Variants in TTLL10 observed in about 807,000 individuals in gnomAD.
TTLL10 encodes the protein tubulin tyrosine ligase like 10.
Under a neutral mutation model 69.0 loss-of-function variants are expected in TTLL10, and 61 were observed. The ratio of observed to expected loss-of-function variants is 0.88; its 90% confidence interval spans 0.72 to 1.09. The LOEUF is 1.09. TTLL10 is among the 50% of genes least tolerant of loss of function. The probability of loss-of-function intolerance (pLI) is 0.00; values close to 1 mark genes in which losing one functional copy is unlikely to be tolerated. For synonymous variants in TTLL10, 408 were observed against 393.3 expected (o/e 1.04, Z -0.44); for missense variants, 962 against 945.9 (o/e 1.02, Z -0.22).
intron 7 of TTLL10, 37 bp from the exon 8 acceptor site, chr1:1,180,694 C>G: frequency 1.3e-6 from 2 of 1,583,928 alleles, no homozygotes; most frequent in African/African-American, 1.4e-5. Flanking sequence ...CGAGGTCCTG[C>G]GCTCCCTCCA....
chr1:1,175,206 T>C (rs9442387), intron 3 of TTLL10: 92,497 of 175,500 alleles, frequency 0.53, 29,764 homozygotes, highest in East Asian at 0.88. Flanking sequence ...CATAAGGACA[T>C]AAAGTTAGAA....
chr1:1,179,190 GCCCTC>G lies in TTLL10; in HGVS notation c.-25_-21del. 1.1e-5 allele frequency: 16 copies of G among 1,513,918 alleles called. No homozygotes were observed. The highest frequency in any genetic ancestry group is 1.3e-5 in the Non-Finnish European group (15 of 1,127,428). 93.8% of individuals were successfully genotyped at this position (1,513,918 alleles called of 1,614,324 possible). A position where few individuals can be genotyped will look rare whatever the true frequency, so the allele number is the denominator to read the frequency against. On this transcript the variant is annotated splice_region_variant and 5_prime_UTR_variant, in exon 4 of 16. Coordinates refer to ENST00000379289, the MANE Select transcript of TTLL10 (RefSeq NM_001130045.2). ...GTCAGAGCGGCATCTTCCCTTCAGG[GCCCTC>G]GCCCGGGCACCCCCCGGCCAATGGA...
Position 1,180,599 on chromosome 1 carries a change from A to G in TTLL10, c.623A>G (p.Glu208Gly). Reference sequence around the variant, plus strand: ...CGAGACAGCTACGGCAGCTTCCGGGAAGGTAGCGGGAGCCGGCACCAGAGG... The same window carrying G: ...CGAGACAGCTACGGCAGCTTCCGGGGAGGTAGCGGGAGCCGGCACCAGAGG... The part of the protein sequence containing the change: ...KSRDSYGSFR[E>G]GEQLLYQLPN... Residue 208 changes from glutamate to glycine, a missense_variant and splice_region_variant, in exon 7 of 16, where the codon GAA (glutamate) becomes GGA (glycine). Coordinates refer to ENST00000379289, the MANE Select transcript of TTLL10 (RefSeq NM_001130045.2). 2 of 1,551,720 alleles carry G rather than the reference A, an allele frequency of 1.3e-6. No homozygotes were observed. The highest frequency in any genetic ancestry group is 1.7e-6 in the Non-Finnish European group (2 of 1,147,340).
rs373549105 is a variant in TTLL10, at chr1:1,197,082, G to A, written c.1519-11G>A. The A allele has an allele frequency of 3.8e-4, 589 of 1,551,036 alleles. No individual in the cohort carries two copies. Among genetic ancestry groups the A allele is most frequent in the Non-Finnish European group, 4.9e-4 (564 of 1,146,746 alleles). ...TCGGGGTGAGGAGGGACTGACTGGCGTCTGGGGCAGGTATGGCTGCTGGAG... is the reference window on the plus strand; with the variant it reads ...TCGGGGTGAGGAGGGACTGACTGGCATCTGGGGCAGGTATGGCTGCTGGAG... On this transcript the variant is annotated splice_polypyrimidine_tract_variant and intron_variant, in intron 14 of 15. Coordinates refer to ENST00000379289, the MANE Select transcript of TTLL10 (RefSeq NM_001130045.2).
intron 3 of TTLL10, among the ~76,000 whole-genome samples, chr1:1,177,285 C>CGTGT (rs771740834): frequency 2.0e-5 from 3 of 147,756 alleles, no homozygotes; most frequent in Non-Finnish European, 4.5e-5. Flanking sequence ...TGTGTCTGTG[C>CGTGT]GTGTGTGTGT....
chr1:1,183,795 G>A (rs1647154113), intron 11 of TTLL10, 125 bp from the exon 12 acceptor site: 13 of 1,269,758 alleles, frequency 1.0e-5, no homozygotes, highest in Non-Finnish European at 1.4e-5. Context: ...CCTTTCCCTG[G>A]AGGTCACACC....
At chr1:1,189,000 T>C (rs1393123284) in intron 13 of TTLL10, among the ~76,000 whole-genome samples, 1 of 152,260 alleles carries the variant, frequency 6.6e-6, no homozygotes, top group Non-Finnish European at 1.5e-5. Flanking sequence ...TGTGTGTTGA[T>C]CTTGTATCCT....
At chr1:1,188,612 C>G (rs1317989806) in intron 13 of TTLL10, among the ~76,000 whole-genome samples, 1 of 152,122 alleles carries the variant, frequency 6.6e-6, no homozygotes, top group Non-Finnish European at 1.5e-5. Context: ...ACTGTGTTGG[C>G]CAGGCTGATC....
At position 1,179,705 on chromosome 1, in the gene TTLL10, G is replaced by A. The variant is rs1034938264; in HGVS notation, c.167G>A (p.Gly56Asp). 32 of 1,550,496 alleles carry A rather than the reference G, an allele frequency of 2.1e-5. No homozygotes were observed. The African/African-American group carries it at 2.6e-4, about 13-fold the overall frequency. Residue 56 changes from glycine (G) to aspartate (D), a missense_variant, in exon 5 of 16, where the codon GGC becomes GAC. Physicochemically the swap from Gly to Asp is moderately conservative, Grantham distance 94. Coordinates refer to ENST00000379289, the MANE Select transcript of TTLL10 (RefSeq NM_001130045.2). ...CACCCAGCACCGGCCTCACAGCCCG[G>A]CCCCTGCCCTGCACCAGGCCACTGC... ...RLHPAPASQP[G>D]PCPAPGHCPV...
In TTLL10 at chr1:1,181,152, C is replaced by T. The variant is rs201374648; in HGVS notation, c.755+292C>T. ...TGTCCCATAAACCCACCCTCTTCCT[C>T]GTGGCTGAACGGGGAAGATCCCACA... On this transcript the variant is annotated intron_variant, in intron 8 of 15. Coordinates refer to ENST00000379289, the MANE Select transcript of TTLL10 (RefSeq NM_001130045.2). This position sits in a 1 kb window ranked among gnomAD's most constrained non-coding sequence, Gnocchi z 4.6. Among the ~76,000 whole-genome samples, 8 of 151,586 alleles carry T rather than the reference C, an allele frequency of 5.3e-5. No individual in the cohort carries two copies. The East Asian group carries it at 7.8e-4, about 15-fold the overall frequency.
rs778355296 is a variant in TTLL10, at chr1:1,181,895, G to A, written c.830+80G>A. ...TGGTGTCGTCTGAAAAGGAGAAAGC[G>A]GGGCGGGGGTCCCACACAAAGGAAA... On this transcript the variant is annotated intron_variant, in intron 9 of 15. Coordinates refer to ENST00000379289, the MANE Select transcript of TTLL10 (RefSeq NM_001130045.2). This position sits in a 1 kb window ranked among gnomAD's most constrained non-coding sequence, Gnocchi z 4.6. 64 of 1,360,262 alleles carry A rather than the reference G, an allele frequency of 4.7e-5. No individual in the cohort carries two copies. Among genetic ancestry groups the A allele is most frequent in the Admixed American group, 1.3e-4 (6 of 47,572 alleles). The allele number at this position is 1,360,262 out of a possible 1,614,324, so 84.3% of individuals were successfully genotyped here.
In TTLL10 at chr1:1,185,978, A is replaced by C. The variant is rs80057011; in HGVS notation, c.1401+869A>C. ...ACTACTAACGAGCCATCACAGCTAC[A>C]TTGCCGGCCATTCCTGGTCACCGCT... is the stretch of plus-strand genomic sequence containing the variant. On this transcript the variant is annotated intron_variant, in intron 13 of 15. Coordinates refer to ENST00000379289, the MANE Select transcript of TTLL10 (RefSeq NM_001130045.2). The surrounding 1 kb of genome is among the most constrained non-coding windows in gnomAD (Gnocchi z 6.1). 0.1 allele frequency: 32,967 copies of C among 323,908 alleles called. 1,897 individuals carry two copies. The highest frequency in any genetic ancestry group is 0.23 in the East Asian group (1,335 of 5,822). 20.1% of individuals were successfully genotyped at this position (323,908 alleles called of 1,614,324 possible).
rs2100832310 is a variant in TTLL10, at chr1:1,174,390, T to C, written c.-93-34T>C. The C allele has an allele frequency of 2.0e-5, 3 of 152,796 alleles. No homozygotes were observed. The South Asian group carries it at 6.2e-4, about 32-fold the overall frequency. The allele number at this position is 152,796 out of a possible 1,614,324, so 9.5% of individuals were successfully genotyped here. On this transcript the variant is annotated intron_variant, in intron 2 of 15. Transcript: ENST00000379289. ...GGGGGGAGAACTCGCAGCAGGACAC[T>C]AACATGTGGTCGCTTTTTGGATGAT...
intron 13 of TTLL10, among the ~76,000 whole-genome samples, chr1:1,193,746 T>C (rs146957859): frequency 6.1e-4 from 93 of 152,360 alleles, no homozygotes; most frequent in African/African-American, 2.0e-3. Flanking sequence ...ATTACAGGCG[T>C]GAGCCACCAC....
rs755384103 is a variant in TTLL10, at chr1:1,182,406, C to T, written c.876C>T (p.Asp292=). ...EEFFPETYRL[D]LKHEREAFFT... ...TTTTCCCAGAGACCTACCGCCTGGA[C>T]CTCAAACACGAGAGAGAGGCCTTTT... Residue 292 remains aspartate (D), a synonymous_variant, in exon 10 of 16, where the codon GAC becomes GAT. Transcript: ENST00000379289. 6.2e-7 allele frequency: 1 copy of T among 1,613,980 alleles called. No homozygotes were observed. Among genetic ancestry groups the T allele is most frequent in the Admixed American group, 1.7e-5 (1 of 60,034 alleles).
At position 1,197,935 on chromosome 1, in the gene TTLL10, A is replaced by G. The variant is rs972255158; in HGVS notation, c.*88A>G. The G allele has an allele frequency of 7.7e-7, 1 of 1,303,852 alleles. No individual in the cohort carries two copies. The highest frequency in any genetic ancestry group is 9.8e-7 in the Non-Finnish European group (1 of 1,019,486). 80.8% of individuals were successfully genotyped at this position (1,303,852 alleles called of 1,614,324 possible). Reference sequence around the variant, plus strand: ...GACCTATAAAGCCCACTTTGCTACAAACACAGTCTCTGCAGCAGAGTCCTG... The same window carrying G: ...GACCTATAAAGCCCACTTTGCTACAGACACAGTCTCTGCAGCAGAGTCCTG... On this transcript the variant is annotated 3_prime_UTR_variant, in exon 16 of 16. Transcript: ENST00000379289.
At chr1:1,177,245 G>A (rs769899173) in intron 3 of TTLL10, among the ~76,000 whole-genome samples, 2 of 150,036 alleles carry the variant, frequency 1.3e-5, no homozygotes, top group African/African-American at 2.5e-5. Flanking sequence ...TGCAAGTGTC[G>A]ACATGTCTGT....
At chr1:1,179,588 C>A in intron 4 of TTLL10, 69 bp from the exon 5 acceptor site, 1 of 1,546,128 alleles carries the variant, frequency 6.5e-7, no homozygotes, top group Non-Finnish European at 8.7e-7. Flanking sequence ...CCCCTCGTCT[C>A]CCGGCCTGAC....
intron 3 of TTLL10, 40 bp from the exon 4 acceptor site, chr1:1,179,149 G>A: frequency 7.3e-7 from 1 of 1,362,676 alleles, no homozygotes; most frequent in Non-Finnish European, 9.9e-7. Flanking sequence ...GGGCCGCGCG[G>A]AGGTCCCACA....
Sources: gnomAD v4.1 joint callset for allele counts (sites outside exome capture counted in the v4.1 genomes callset) on GRCh38, gnomAD v4.1.1 for gene constraint, Gnocchi (gnomAD v3.1) non-coding constraint, MANE v1.5 for transcripts, NCBI Gene and HGNC (gene_info 2026-07-23, HGNC 2026-07-21) for gene names.